The following SLC45A1 variants were observed in gnomAD, a reference collection of about 807,000 sequenced individuals.
SLC45A1 encodes solute carrier family 45 member 1, also known as proton-associated sugar transporter A.
SLC45A1 carries 28 observed loss-of-function variants against 57.6 expected under a neutral mutation model. The ratio of observed to expected loss-of-function variants is 0.49; its 90% confidence interval spans 0.36 to 0.67. SLC45A1 has a LOEUF of 0.67. SLC45A1 is among the 30% of genes least tolerant of loss of function. The pLI is 0.00. For missense variants in SLC45A1, 814 were observed against 1,041.5 expected (o/e 0.78, Z 3.01); for synonymous variants, 459 against 471.5 (o/e 0.97, Z 0.34).
chr1:8,331,053 G>A lies in SLC45A1; in HGVS notation c.1443+117G>A, dbSNP rs191682802. On this transcript the variant is annotated intron_variant, in intron 5 of 8. Transcript: ENST00000471889. Reference sequence around the variant, plus strand: ...GGAAGAAATTCCCGGCTGTTATGGGGGTGTTATCAAGTGCTTTGACCTAAA... The same window carrying A: ...GGAAGAAATTCCCGGCTGTTATGGGAGTGTTATCAAGTGCTTTGACCTAAA... 87 of 1,344,566 alleles carry A rather than the reference G, an allele frequency of 6.5e-5. No homozygotes were observed. The African/African-American group carries it at 1.0e-3, about 16-fold the overall frequency. The allele number at this position is 1,344,566 out of a possible 1,614,324, so 83.3% of individuals were successfully genotyped here.
chr1:8,324,386 C>T lies in SLC45A1; in HGVS notation c.57C>T (p.Ala19=). Residue 19 remains alanine (A), a synonymous_variant, in exon 2 of 9, where the codon GCC becomes GCT. Coordinates refer to ENST00000471889, the MANE Select transcript of SLC45A1 (RefSeq NM_001080397.3). ...GAGATGCCCTCTTCCCCAGCGTGGC[C>T]CCACAGGACTTCTGGAGGTCCCAGG... is the stretch of plus-strand genomic sequence containing the variant. ...PPGDALFPSV[A]PQDFWRSQVT... 1 of 1,612,842 alleles carries T rather than the reference C, an allele frequency of 6.2e-7. No homozygotes were observed.
rs200223590 is a variant in SLC45A1, at chr1:8,330,857, A to C, written c.1364A>C (p.Gln455Pro). 1 of 1,612,010 alleles carries C rather than the reference A, an allele frequency of 6.2e-7. No individual in the cohort carries two copies. Among genetic ancestry groups the C allele is most frequent in the East Asian group, 2.2e-5 (1 of 44,856 alleles). The part of the protein sequence containing the change: ...PRSSGILKRP[Q>P]TLAIPDAAGG... The stretch of plus-strand genomic sequence containing the variant: ...TCATCAGGGATTCTGAAGAGACCTC[A>C]GACCTTGGCCATCCCGGACGCAGCC... The change falls in exon 5 of 9, where the codon CAG (glutamine) becomes CCG (proline). Residue 455 changes from glutamine to proline, a missense_variant. Transcript: ENST00000471889. The surrounding 1 kb of genome is among the most constrained non-coding windows in gnomAD (Gnocchi z 8.4).
rs758632993 is a variant in SLC45A1, at chr1:8,326,005, C to T, written c.678C>T (p.Asp226=). ...AYMMDVCSPA[D]QDRGLNIHAL... is the part of the protein sequence containing the mutation. ...TGATGGACGTGTGCAGCCCCGCAGACCAGGACCGAGGCCTGAACATCCACG... is the reference window on the plus strand; with the variant it reads ...TGATGGACGTGTGCAGCCCCGCAGATCAGGACCGAGGCCTGAACATCCACG... The change falls in exon 4 of 9, where the codon GAC becomes GAT. Residue 226 remains aspartate (D), a synonymous_variant. Transcript: ENST00000471889. The surrounding 1 kb of genome is among the most constrained non-coding windows in gnomAD (Gnocchi z 5.5). 6.2e-7 allele frequency: 1 copy of T among 1,608,066 alleles called. No homozygotes were observed. The highest frequency in any genetic ancestry group is 1.1e-5 in the South Asian group (1 of 91,080).
chr1:8,320,692 TACAC>T (rs57414432), intron 1 of SLC45A1, among the ~76,000 whole-genome samples: 22,807 of 100,606 alleles, frequency 0.23, 1,912 homozygotes, highest in East Asian at 0.4. Context: ...TCTCTCTCTC[TACAC>T]ACACACACAC....
chr1:8,338,300 A>G (rs1640688319), intron 7 of SLC45A1, among the ~76,000 whole-genome samples: 1 of 152,214 alleles, frequency 6.6e-6, no homozygotes, highest in South Asian at 2.1e-4. Context: ...CCAAGGCCAC[A>G]CCCAGGCAGC....
intron 1 of SLC45A1, among the ~76,000 whole-genome samples, chr1:8,319,697 TA>T (rs1380112529): frequency 9.2e-5 from 14 of 152,264 alleles, no homozygotes; most frequent in African/African-American, 3.4e-4. Context: ...ATGGGAACCT[TA>T]AAAATGGATT....
chr1:8,333,796 G>C (rs1569956941), intron 5 of SLC45A1, among the ~76,000 whole-genome samples: 1 of 152,326 alleles, frequency 6.6e-6, no homozygotes, highest in East Asian at 1.9e-4. Context: ...GGTGTGTGTG[G>C]CCGGGGTGTC....
intron 1 of SLC45A1, among the ~76,000 whole-genome samples, chr1:8,322,230 G>A (rs1379453383): frequency 2.4e-4 from 5 of 21,016 alleles, no homozygotes; most frequent in African/African-American, 2.7e-4. Flanking sequence ...TGGATGGATG[G>A]GTGGGTGGGT....
At chr1:8,339,807 C>G in intron 8 of SLC45A1, 109 bp downstream of exon 8, 1 of 1,064,644 alleles carries the variant, frequency 9.4e-7, no homozygotes, top group East Asian at 2.4e-5. Context: ...TGCAAAATGT[C>G]AAGACAGCGA....
rs61746724 is a variant in SLC45A1, at chr1:8,325,957, G to A, written c.630G>A (p.Ala210=). Reference sequence around the variant, plus strand: ...TGATGGACTTTAGCGCCGACTCGGCGGACAACCCCAGCCACGCCTACATGA... The same window carrying A: ...TGATGGACTTTAGCGCCGACTCGGCAGACAACCCCAGCCACGCCTACATGA... ...VVLMDFSADS[A]DNPSHAYMMD... The change falls in exon 4 of 9, where the codon GCG becomes GCA. Residue 210 remains alanine, a synonymous_variant. Coordinates refer to ENST00000471889, the MANE Select transcript of SLC45A1 (RefSeq NM_001080397.3). This position sits in a 1 kb window ranked among gnomAD's most constrained non-coding sequence, Gnocchi z 6.3. The A allele has an allele frequency of 2.5e-3, 4,092 of 1,613,202 alleles. 93 individuals are homozygous for A. In the African/African-American group the frequency reaches 0.048, roughly 19 times the overall value.
Position 8,343,994 on chromosome 1 carries a change from C to A in SLC45A1, c.2228C>A (p.Pro743His). 1 of 1,610,250 alleles carries A rather than the reference C, an allele frequency of 6.2e-7. No individual in the cohort carries two copies. The highest frequency in any genetic ancestry group is 8.5e-7 in the Non-Finnish European group (1 of 1,177,510). Residue 743 changes from proline to histidine, a missense_variant, in exon 9 of 9, where the codon CCC becomes CAC. Pro to His is a moderately conservative substitution (Grantham distance 77, BLOSUM62 -2). Coordinates refer to ENST00000471889, the MANE Select transcript of SLC45A1 (RefSeq NM_001080397.3). This position sits in a 1 kb window ranked among gnomAD's most constrained non-coding sequence, Gnocchi z 7.7. The part of the protein sequence containing the change: ...PSDAADEEHR[P>H]LLLNV Reference sequence around the variant, plus strand: ...GACGCTGCAGACGAGGAGCACCGGCCCCTCCTGCTGAACGTCTGACATCGC... The same window carrying A: ...GACGCTGCAGACGAGGAGCACCGGCACCTCCTGCTGAACGTCTGACATCGC...
chr1:8,330,073 G>T lies in SLC45A1; in HGVS notation c.716-136G>T, dbSNP rs2124302654. 2.6e-6 allele frequency: 3 copies of T among 1,135,118 alleles called. No homozygotes were observed. The highest frequency in any genetic ancestry group is 1.3e-6 in the Non-Finnish European group (1 of 793,850). 70.3% of individuals were successfully genotyped at this position (1,135,118 alleles called of 1,614,324 possible). On this transcript the variant is annotated intron_variant, in intron 4 of 8. Coordinates refer to ENST00000471889, the MANE Select transcript of SLC45A1 (RefSeq NM_001080397.3). This position sits in a 1 kb window ranked among gnomAD's most constrained non-coding sequence, Gnocchi z 8.4. Reference sequence around the variant, plus strand: ...GGGAATCCTGTCCCATTTTGTTGGGGTTTAGGTGGAACAGGTTCTGTGCCC... The same window carrying T: ...GGGAATCCTGTCCCATTTTGTTGGGTTTTAGGTGGAACAGGTTCTGTGCCC...
rs781708229 is a variant in SLC45A1, at chr1:8,324,719, C to T, written c.390C>T (p.Pro130=). 6.3e-7 allele frequency: 1 copy of T among 1,585,078 alleles called. No individual in the cohort carries two copies. Among genetic ancestry groups the T allele is most frequent in the South Asian group, 1.1e-5 (1 of 87,152 alleles). The change falls in exon 2 of 9, where the codon CCC becomes CCT. Residue 130 remains proline (P), a synonymous_variant. Transcript: ENST00000471889. ...ACAGCCTGGTGTGGTTCATCAGCCC[C>T]ATCCTCGGTGAGCCCCGGCTCCTCC... is the stretch of plus-strand genomic sequence containing the variant. ...QLYSLVWFIS[P]ILGFLLQPLL... is the part of the protein sequence containing the mutation.
At chr1:8,332,819 T>C (rs1209697538) in intron 5 of SLC45A1, among the ~76,000 whole-genome samples, 2 of 152,160 alleles carry the variant, frequency 1.3e-5, no homozygotes, top group African/African-American at 2.4e-5. Flanking sequence ...CCAGAATCCA[T>C]GGTCTTTAAG....
chr1:8,326,029 C>T lies in SLC45A1; in HGVS notation c.702C>T (p.His234=), dbSNP rs201001688. ...ACCAGGACCGAGGCCTGAACATCCA[C>T]GCCCTCCTGGCAGGTGAGTCTCCGC... ...PADQDRGLNI[H]ALLAGLGGGF... The change falls in exon 4 of 9, where the codon CAC becomes CAT. Residue 234 remains histidine (H), a synonymous_variant. Coordinates refer to ENST00000471889, the MANE Select transcript of SLC45A1 (RefSeq NM_001080397.3). This position sits in a 1 kb window ranked among gnomAD's most constrained non-coding sequence, Gnocchi z 5.5. 24 of 1,603,186 alleles carry T rather than the reference C, an allele frequency of 1.5e-5. No individual in the cohort carries two copies. In the South Asian group the frequency reaches 2.0e-4, roughly 13 times the overall value.
At chr1:8,340,314 C>T (rs1001582725) in intron 8 of SLC45A1, among the ~76,000 whole-genome samples, 1 of 152,062 alleles carries the variant, frequency 6.6e-6, no homozygotes, top group Non-Finnish European at 1.5e-5. Flanking sequence ...AGGCACGCAC[C>T]ACCATGCCCA....
chr1:8,325,895 A>G lies in SLC45A1; in HGVS notation c.568A>G (p.Lys190Glu), dbSNP rs766862223. The change falls in exon 4 of 9, where the codon AAG becomes GAG. Residue 190 changes from lysine to glutamate, a missense_variant. Transcript: ENST00000471889. This position sits in a 1 kb window ranked among gnomAD's most constrained non-coding sequence, Gnocchi z 6.3. ...CCTGGCTGACGTGACCGGGAACCAC[A>G]AGTGGGGCCTGCTGCTGACCGTGTG... ...IALADVTGNH[K>E]WGLLLTVCGV... is the part of the protein sequence containing the mutation. The G allele has an allele frequency of 7.4e-6, 12 of 1,613,978 alleles. No homozygotes were observed. The Admixed American group carries it at 8.3e-5, about 11-fold the overall frequency.
intron 1 of SLC45A1, among the ~76,000 whole-genome samples, chr1:8,319,557 G>A (rs1399698919): frequency 6.6e-6 from 1 of 152,238 alleles, no homozygotes; most frequent in East Asian, 1.9e-4. Context: ...GGGGGATCCA[G>A]GGAGATGAGT....
intron 5 of SLC45A1, among the ~76,000 whole-genome samples, chr1:8,334,299 G>T (rs189716587): frequency 6.6e-6 from 1 of 152,368 alleles, no homozygotes; most frequent in East Asian, 1.9e-4. Context: ...CAGGCATGGG[G>T]GACGCGCTCT....
Sources: gnomAD v4.1 joint callset for allele counts (sites outside exome capture counted in the v4.1 genomes callset) on GRCh38, gnomAD v4.1.1 for gene constraint, Gnocchi (gnomAD v3.1) non-coding constraint, MANE v1.5 for transcripts, NCBI Gene and HGNC (gene_info 2026-07-23, HGNC 2026-07-21) for gene names.